Variants in OLFM1 observed in about 807,000 individuals in gnomAD.
OLFM1 encodes the protein olfactomedin 1.
Under a neutral mutation model 49.7 loss-of-function variants are expected in OLFM1, and 9 were observed. The ratio of observed to expected loss-of-function variants is 0.18; its 90% CI spans 0.11 to 0.32. OLFM1 has a LOEUF of 0.32. OLFM1 is among the 10% of genes least tolerant of loss of function. OLFM1 has a pLI of 1.00. For synonymous variants in OLFM1, 240 were observed against 271.8 expected, an observed-to-expected ratio of 0.88 and a Z score of 1.15; for missense variants, 369 against 661.8, an observed-to-expected ratio of 0.56 and a Z score of 4.85.
Position 135,090,115 on chromosome 9 carries a change from C to T in OLFM1, c.151-80C>T, listed in dbSNP as rs529662440. On this transcript the variant is annotated intron_variant, in intron 1 of 5. Coordinates refer to ENST00000371793, the MANE Select transcript of OLFM1 (RefSeq NM_001282611.2). ...TGGGGGTGGATGTGGACAGTTTCCC[C>T]TGGTTGTTGGCTCTGATACACAACC... 1,323 of 1,330,184 alleles carry T rather than the reference C, an allele frequency of 9.9e-4. 2 individuals are homozygous for T. The highest frequency in any genetic ancestry group is 1.3e-3 in the Non-Finnish European group (1,224 of 970,200). 82.4% of individuals were successfully genotyped at this position (1,330,184 alleles called of 1,614,324 possible).
At chr9:135,084,517 GTC>G (rs1263256430), upstream of OLFM1, among the ~76,000 whole-genome samples, 1 of 148,006 alleles carries the variant, frequency 6.8e-6, no homozygotes, top group Non-Finnish European at 1.5e-5. This position sits in a 1 kb window ranked among gnomAD's most constrained non-coding sequence, Gnocchi z 4.6. Context: ...CTCTCTCTCT[GTC>G]TCTCTCTCCA....
intron 1 of OLFM1, among the ~76,000 whole-genome samples, chr9:135,078,675 C>T (rs1442603459): frequency 6.6e-6 from 1 of 152,230 alleles, no homozygotes; most frequent in East Asian, 1.9e-4. Flanking sequence ...GGTCCAGAGG[C>T]ATTGATCTCT....
chr9:135,079,332 A>G (rs73664044), intron 1 of OLFM1, among the ~76,000 whole-genome samples: 5,832 of 152,254 alleles, frequency 0.038, 362 homozygotes, highest in African/African-American at 0.13. Context: ...AAAGAAGAAG[A>G]GGACAGAGGC....
chr9:135,075,825 T>A (rs1468442889), intron 1 of OLFM1: 3 of 1,587,450 alleles, frequency 1.9e-6, no homozygotes, highest in Non-Finnish European at 2.6e-6. Context: ...AACGCCATTT[T>A]CCTCCCTGCC....
rs1277877654 is a variant in OLFM1, at chr9:135,088,690, C to T, written c.150+551C>T. The stretch of plus-strand genomic sequence containing the variant: ...TGCCCGCGCCTGCATTCCCAAAGTC[C>T]CAAGGCGCCCTTTCCTCCCCAGTCC... On this transcript the variant is annotated intron_variant, in intron 1 of 5. Transcript: ENST00000371793. This position sits in a 1 kb window ranked among gnomAD's most constrained non-coding sequence, Gnocchi z 4.8. Among the ~76,000 whole-genome samples, 23 of 152,128 alleles carry T rather than the reference C, an allele frequency of 1.5e-4. No homozygotes were observed. The highest frequency in any genetic ancestry group is 5.6e-4 in the African/African-American group (23 of 41,438).
chr9:135,115,578 G>C (rs956747531), intron 5 of OLFM1, among the ~76,000 whole-genome samples: 2 of 152,246 alleles, frequency 1.3e-5, no homozygotes, highest in African/African-American at 2.4e-5. Flanking sequence ...GGGGGCTGTT[G>C]GTGTGTGGGG....
chr9:135,087,852 G>A lies in OLFM1; in HGVS notation c.-138G>A. 4.2e-6 allele frequency: 4 copies of A among 957,154 alleles called. No homozygotes were observed. The highest frequency in any genetic ancestry group is 5.0e-6 in the Non-Finnish European group (4 of 806,946). 59.3% of individuals were successfully genotyped at this position (957,154 alleles called of 1,614,324 possible). ...GCGCGCGGGGCGGCGGCGGCGGCGG[G>A]CGGGCGGCGGCGGGCCGAGGGGGCG... is the stretch of plus-strand genomic sequence containing the variant. On this transcript the variant is annotated 5_prime_UTR_variant, in exon 1 of 6. Transcript: ENST00000371793.
chr9:135,091,571 ACACAGTCACACACT>A (rs1254919965), intron 2 of OLFM1, among the ~76,000 whole-genome samples: 5 of 148,882 alleles, frequency 3.4e-5, no homozygotes, highest in Non-Finnish European at 7.4e-5. Context: ...TCACACACAC[ACACAGTCACACACT>A]CACAGTCACA....
At chr9:135,097,782 G>A in intron 3 of OLFM1, 1 of 1,613,266 alleles carries the variant, frequency 6.2e-7, no homozygotes. Context: ...TACTTGCAGG[G>A]CTAACTTAAA....
At position 135,117,946 on chromosome 9, in the gene OLFM1, A is replaced by T. The variant is rs1377747272; in HGVS notation, c.784-1558A>T. ...TTCAAACTGGGCCATCCTTTCTCTG[A>T]TAGCACAATAGCTGTGTCTCCTTTT... On this transcript the variant is annotated intron_variant, in intron 5 of 5. Coordinates refer to ENST00000371793, the MANE Select transcript of OLFM1 (RefSeq NM_001282611.2). This position sits in a 1 kb window ranked among gnomAD's most constrained non-coding sequence, Gnocchi z 5.5. Among the ~76,000 whole-genome samples the T allele has an allele frequency of 1.3e-5, 2 of 152,180 alleles. No homozygotes were observed. Among genetic ancestry groups the T allele is most frequent in the African/African-American group, 2.4e-5 (1 of 41,438 alleles).
intron 4 of OLFM1, among the ~76,000 whole-genome samples, chr9:135,105,280 G>A (rs1445883536): frequency 1.3e-5 from 2 of 152,226 alleles, no homozygotes; most frequent in Non-Finnish European, 2.9e-5. Context: ...CCAGGTTGCC[G>A]GGGCCTTGGA....
rs1179621760 is a variant in OLFM1, at chr9:135,120,285, A to C, written c.*107A>C. The C allele has an allele frequency of 1.0e-6, 1 of 994,148 alleles. No homozygotes were observed. The highest frequency in any genetic ancestry group is 1.5e-6 in the Non-Finnish European group (1 of 682,002). The allele number at this position is 994,148 out of a possible 1,614,324, so 61.6% of individuals were successfully genotyped here. On this transcript the variant is annotated 3_prime_UTR_variant, in exon 6 of 6. Transcript: ENST00000371793. ...ACACTAACAATACCGATCTTGAAAA[A>C]TCATCAGCAGTGCGGATTCTGACAT... is the stretch of plus-strand genomic sequence containing the variant.
rs650208 is a variant in OLFM1 at position 135,080,434 on chromosome 9, T to C, written c.96+4632T>C. On this transcript the variant is annotated intron_variant, in intron 1 of 5. Transcript: ENST00000252854. This position sits in a 1 kb window ranked among gnomAD's most constrained non-coding sequence, Gnocchi z 4.5. ...ATTCAGTCTTTGCACCAAAGTTGGC[T>C]GTGGCCTCTCAGGCTGGCAATGCCT... 0.62 allele frequency among the ~76,000 whole-genome samples: 93,694 copies of C among 151,886 alleles called. 29,901 individuals carry two copies. The highest frequency in any genetic ancestry group is 0.79 in the African/African-American group (32,614 of 41,448).
intron 4 of OLFM1, among the ~76,000 whole-genome samples, chr9:135,102,720 C>T (rs1337824236): frequency 2.6e-5 from 4 of 152,240 alleles, no homozygotes; most frequent in African/African-American, 9.6e-5. Flanking sequence ...GCTTTGCAGA[C>T]TTCTTCCAGC....
upstream of OLFM1, chr9:135,087,204 G>A (rs1225629244): frequency 1.4e-6 from 2 of 1,391,352 alleles, no homozygotes; most frequent in East Asian, 5.7e-5. Flanking sequence ...GCTGCTTTTC[G>A]GAGCCTGCCC....
chr9:135,078,126 T>C (rs117413442), intron 1 of OLFM1, among the ~76,000 whole-genome samples: 18 of 152,338 alleles, frequency 1.2e-4, no homozygotes, highest in Middle Eastern at 3.4e-3. Context: ...TCCAAAGTTA[T>C]GCGTTGCGGG....
upstream of OLFM1, chr9:135,086,480 C>T (rs1484686069): frequency 1.0e-5 from 4 of 382,726 alleles, no homozygotes; most frequent in Non-Finnish European, 2.1e-5. Flanking sequence ...GAGGCGCGCT[C>T]CTTCCGGCCC....
At chr9:135,103,583 T>C (rs1049697549) in intron 4 of OLFM1, among the ~76,000 whole-genome samples, 1 of 152,108 alleles carries the variant, frequency 6.6e-6, no homozygotes, top group Non-Finnish European at 1.5e-5. Context: ...GTGGGGCCCA[T>C]GCAGGAGGGA....
chr9:135,076,694 G>C, intron 1 of OLFM1: 1 of 1,389,950 alleles, frequency 7.2e-7, no homozygotes, highest in African/African-American at 1.5e-5. Context: ...TCTGAACTGG[G>C]AGACTCTGGC....
Sources: allele counts gnomAD v4.1 joint callset (sites outside exome capture counted in the v4.1 genomes callset), GRCh38; gene constraint gnomAD v4.1.1; non-coding constraint Gnocchi (gnomAD v3.1); transcripts MANE v1.5; gene names NCBI Gene and HGNC (gene_info 2026-07-23, HGNC 2026-07-21).